KLHL32: variants seen among roughly 807,000 people sequenced by gnomAD.
KLHL32 encodes kelch-like protein 32.
A neutral mutation model predicts 64.8 loss-of-function variants in KLHL32; 35 were observed. The ratio of observed to expected loss-of-function variants is 0.54; its 90% CI spans 0.41 to 0.72. The LOEUF (loss-of-function observed/expected upper bound fraction) is 0.72, where lower values mean the gene tolerates loss of function less well. KLHL32 is among the 30% of genes least tolerant of loss of function. KLHL32 has a pLI of 0.00. For missense variants in KLHL32, 589 were observed against 768.5 expected (o/e 0.77, Z 2.76); for synonymous variants, 259 against 281.0 (o/e 0.92, Z 0.78).
intron 3 of KLHL32, among the ~76,000 whole-genome samples, chr6:96,991,864 G>T (rs1378899742): frequency 6.6e-6 from 1 of 152,148 alleles, no homozygotes; most frequent in Non-Finnish European, 1.5e-5. Flanking sequence ...TAGCAGGGGC[G>T]GGGGACGGCA....
chr6:97,040,232 T>C (rs1171720187), intron 3 of KLHL32, among the ~76,000 whole-genome samples: 2 of 152,124 alleles, frequency 1.3e-5, no homozygotes, highest in South Asian at 2.1e-4. Context: ...ACTTCTCTCA[T>C]TATCAGTAAA....
intron 1 of KLHL32, among the ~76,000 whole-genome samples, chr6:96,963,145 A>G (rs957368454): frequency 1.3e-5 from 2 of 152,228 alleles, no homozygotes; most frequent in Non-Finnish European, 1.5e-5. Flanking sequence ...ATTTATTTCC[A>G]TGTTCATCAC....
At chr6:97,123,875 C>T (rs774892931) in intron 7 of KLHL32, among the ~76,000 whole-genome samples, 2 of 152,128 alleles carry the variant, frequency 1.3e-5, no homozygotes, top group Non-Finnish European at 2.9e-5. Flanking sequence ...CTGCTGCAGG[C>T]AAGGGTACTC....
At chr6:97,027,621 GC>G (rs1410330076) in intron 3 of KLHL32, among the ~76,000 whole-genome samples, 2 of 152,186 alleles carry the variant, frequency 1.3e-5, no homozygotes, top group Admixed American at 1.3e-4. Flanking sequence ...TCTTACCACT[GC>G]CACCATTCAC....
rs562132973 is a variant in KLHL32 at position 96,958,823 on chromosome 6, G to A, written c.-65-8173G>A. On this transcript the variant is annotated intron_variant, in intron 1 of 10. Coordinates refer to ENST00000369261, the MANE Select transcript of KLHL32 (RefSeq NM_052904.4). ...TGGAAGGTAGCTGGGTAGAAGGAGTGCCAAGGAAAAAAAAATCACCCTAAG... is the reference window on the plus strand; with the variant it reads ...TGGAAGGTAGCTGGGTAGAAGGAGTACCAAGGAAAAAAAAATCACCCTAAG... Among the ~76,000 whole-genome samples the A allele has an allele frequency of 1.0e-3, 151 of 148,820 alleles. 1 individual carries two copies. In the Middle Eastern group the frequency reaches 0.011, roughly 11 times the overall value.
intron 6 of KLHL32, among the ~76,000 whole-genome samples, chr6:97,096,300 C>A (rs1794978357): frequency 6.6e-6 from 1 of 152,208 alleles, no homozygotes; most frequent in African/African-American, 2.4e-5. Context: ...CGCATGCACA[C>A]ACACATATTA....
rs531896680 is a variant in KLHL32 at position 97,114,506 on chromosome 6, T to C, written c.1351T>C (p.Ser451Pro). 6.2e-7 allele frequency: 1 copy of C among 1,613,516 alleles called. No individual in the cohort carries two copies. The highest frequency in any genetic ancestry group is 2.2e-5 in the East Asian group (1 of 44,884). The change falls in exon 7 of 11, where the codon TCA becomes CCA. Residue 451 changes from serine (S) to proline (P), a missense_variant. By Grantham distance (74) the Ser-to-Pro change is moderately conservative. Coordinates refer to ENST00000369261, the MANE Select transcript of KLHL32 (RefSeq NM_052904.4). Reference protein sequence around the residue: ...GYVADGLLWISGGVTNTAQYQ... With the variant: ...GYVADGLLWIPGGVTNTAQYQ... ...TGTGGCTGATGGTCTTCTTTGGATA[T>C]CAGGTAGAACATACCTCATGTTGGA...
chr6:97,103,237 G>A (rs1401643142), intron 6 of KLHL32, among the ~76,000 whole-genome samples: 3 of 143,524 alleles, frequency 2.1e-5, no homozygotes, highest in Non-Finnish European at 4.5e-5. Flanking sequence ...TTTTTGAGAC[G>A]GCGTCTCGCT....
Position 96,962,636 on chromosome 6 carries a change from A to G in KLHL32, c.-65-4360A>G, listed in dbSNP as rs143957191. ...ACCTGTCACTGGAGCAAATCACTACATGATTCATATTTGTATTCTATAATA... is the reference window on the plus strand; with the variant it reads ...ACCTGTCACTGGAGCAAATCACTACGTGATTCATATTTGTATTCTATAATA... On this transcript the variant is annotated intron_variant, in intron 1 of 10. Coordinates refer to ENST00000369261, the MANE Select transcript of KLHL32 (RefSeq NM_052904.4). Among the ~76,000 whole-genome samples, 1,146 of 152,332 alleles carry G rather than the reference A, an allele frequency of 7.5e-3. 13 individuals carry two copies. The highest frequency in any genetic ancestry group is 0.026 in the African/African-American group (1,065 of 41,576).
intron 6 of KLHL32, among the ~76,000 whole-genome samples, chr6:97,094,157 G>A (rs1794644320): frequency 6.6e-6 from 1 of 152,150 alleles, no homozygotes. Context: ...CAACACAAAT[G>A]ACCCTGTGAG....
intron 1 of KLHL32, among the ~76,000 whole-genome samples, chr6:96,933,126 A>ACATGGTTTATCTGTG (rs1770140690): frequency 6.6e-6 from 1 of 152,162 alleles, no homozygotes. Context: ...TGAATTAGTT[A>ACATGGTTTATCTGTG]CATGGTTTAT....
At chr6:97,031,025 T>C (rs910552612) in intron 3 of KLHL32, among the ~76,000 whole-genome samples, 2 of 152,180 alleles carry the variant, frequency 1.3e-5, no homozygotes, top group Admixed American at 6.5e-5. Context: ...CTTTTCAAGA[T>C]GTTATATGCT....
At chr6:97,089,184 C>T (rs995712548) in intron 6 of KLHL32, among the ~76,000 whole-genome samples, 2 of 152,208 alleles carry the variant, frequency 1.3e-5, no homozygotes, top group African/African-American at 2.4e-5. Context: ...GATTTTAAAC[C>T]ATAAGTACAG....
chr6:97,093,925 G>A (rs1278735570), intron 6 of KLHL32, among the ~76,000 whole-genome samples: 1 of 152,182 alleles, frequency 6.6e-6, no homozygotes, highest in Non-Finnish European at 1.5e-5. Flanking sequence ...CACAGACTGT[G>A]TGGGAAAAAG....
chr6:96,918,693 T>C, the KLHL32 span, among the ~76,000 whole-genome samples: 1 of 152,226 alleles, frequency 6.6e-6, no homozygotes, highest in Non-Finnish European at 1.5e-5. Flanking sequence ...CAAAATAGGC[T>C]ACTGTGAGAC....
In KLHL32 at chr6:97,139,231, C is replaced by A; in HGVS notation, c.1812C>A (p.Cys604Ter). 1.2e-6 allele frequency: 2 copies of A among 1,613,990 alleles called. No individual in the cohort carries two copies. The highest frequency in any genetic ancestry group is 1.7e-6 in the Non-Finnish European group (2 of 1,179,892). The change falls in exon 11 of 11, where the codon TGC becomes TGA. Residue 604 changes from cysteine to a stop codon, truncating the protein, a stop_gained. Transcript: ENST00000369261. LOFTEE classifies it high-confidence loss of function. ...ACFLPAPYFTCPNLQTLQVPH... is the reference protein window; with the variant it reads ...ACFLPAPYFT ...TCCTTCCAGCTCCATATTTTACATGCCCTAACCTTCAAACTCTTCAAGTGC... is the reference window on the plus strand; with the variant it reads ...TCCTTCCAGCTCCATATTTTACATGACCTAACCTTCAAACTCTTCAAGTGC...
intron 3 of KLHL32, among the ~76,000 whole-genome samples, chr6:96,986,928 T>C (rs1171268083): frequency 2.0e-5 from 3 of 152,114 alleles, no homozygotes; most frequent in African/African-American, 7.2e-5. Flanking sequence ...AGTACCTCAG[T>C]TGGAAATGCA....
intron 2 of KLHL32, among the ~76,000 whole-genome samples, chr6:96,973,061 C>T (rs1300495473): frequency 6.6e-6 from 1 of 152,168 alleles, no homozygotes; most frequent in African/African-American, 2.4e-5. Context: ...GTATTTGTTT[C>T]TGCTTTTAAG....
intron 7 of KLHL32, among the ~76,000 whole-genome samples, chr6:97,122,238 A>G (rs903006126): frequency 1.4e-4 from 22 of 152,208 alleles, no homozygotes; most frequent in African/African-American, 5.3e-4. Flanking sequence ...CTGCCTTTAT[A>G]GGTATTTTGT....
Sources: allele counts gnomAD v4.1 joint callset (sites outside exome capture counted in the v4.1 genomes callset), GRCh38; gene constraint gnomAD v4.1.1; transcripts MANE v1.5; gene names NCBI Gene and HGNC (gene_info 2026-07-23, HGNC 2026-07-21).